The following FRMPD4 variants were observed in gnomAD, a reference collection of about 807,000 sequenced individuals.
The protein encoded by FRMPD4 is FERM and PDZ domain containing 4.
FRMPD4 carries 22 observed loss-of-function variants against 94.1 expected under a neutral mutation model. The observed-to-expected ratio is 0.23, with a 90% CI of 0.17 to 0.33. The LOEUF (loss-of-function observed/expected upper bound fraction) is 0.33. Among genes scored for constraint, FRMPD4 ranks in the 10% least tolerant of loss-of-function variants. FRMPD4 has a pLI of 1.00. For synonymous variants in FRMPD4, 631 were observed against 548.6 expected (o/e 1.15, Z -2.10); for missense variants, 1,111 against 1,339.9 (o/e 0.83, Z 2.67).
At chrX:12,443,084 G>T (rs1569278193) in intron 1 of FRMPD4, among the ~76,000 whole-genome samples, 1 of 111,155 alleles carries the variant, frequency 9.0e-6, no homozygotes, top group East Asian at 2.8e-4. Context: ...TGCAGGGAGG[G>T]GAGAATAGGG....
At chrX:11,837,686 A>C (rs1444242271) in intron 1 of FRMPD4, among the ~76,000 whole-genome samples, 1 of 111,457 alleles carries the variant, frequency 9.0e-6, no homozygotes, top group Non-Finnish European at 1.9e-5. Flanking sequence ...GTAACTTACA[A>C]TGAGAATGGA....
At chrX:12,304,791 T>C (rs62588581) in intron 1 of FRMPD4, among the ~76,000 whole-genome samples, 3,564 of 111,901 alleles carry the variant, frequency 0.032, 66 homozygotes, top group Middle Eastern at 0.06. Context: ...TGGTGCATGA[T>C]TTTGAATTTT....
At chrX:12,211,378 C>T (rs2056754123) in intron 1 of FRMPD4, among the ~76,000 whole-genome samples, 1 of 112,161 alleles carries the variant, frequency 8.9e-6, no homozygotes, top group Non-Finnish European at 1.9e-5. Flanking sequence ...GATCTGTTTA[C>T]TAGCCAATGA....
chrX:12,281,789 T>G (rs1441236532), intron 1 of FRMPD4, among the ~76,000 whole-genome samples: 1 of 112,123 alleles, frequency 8.9e-6, no homozygotes, highest in Non-Finnish European at 1.9e-5. Context: ...TCTTATTTAA[T>G]TATCATTCCT....
chrX:12,144,243 A>G (rs906346639), intron 1 of FRMPD4, among the ~76,000 whole-genome samples: 1 of 112,119 alleles, frequency 8.9e-6, no homozygotes, highest in Non-Finnish European at 1.9e-5. Flanking sequence ...AGTTGAGTTT[A>G]ATCTAACTTT....
chrX:12,367,235 C>T (rs900113302), intron 1 of FRMPD4, among the ~76,000 whole-genome samples: 4 of 111,730 alleles, frequency 3.6e-5, no homozygotes, highest in African/African-American at 1.3e-4. Context: ...CAAACTGCCC[C>T]TCCCCTGCCT....
chrX:12,451,602 G>GTATT (rs1450249762), intron 1 of FRMPD4, among the ~76,000 whole-genome samples: 1 of 111,670 alleles, frequency 9.0e-6, no homozygotes, highest in East Asian at 2.8e-4. Context: ...ATCTTTGCTT[G>GTATT]TATTTGTCTC....
Position 12,718,763 on chromosome X carries a change from C to A in FRMPD4, c.3937C>A (p.Arg1313=), listed in dbSNP as rs41303149. ...LFGTLRDGCH[R]LPKIKETTAL... is the part of the protein sequence containing the mutation. ...TGGCACATTGAGAGATGGATGCCAT[C>A]GGCTCCCCAAGATTAAGGAAACCAC... The change falls in exon 16 of 17, where the codon CGG becomes AGG. Residue 1313 remains arginine (R), a synonymous_variant. Coordinates refer to ENST00000675598, the MANE Select transcript of FRMPD4 (RefSeq NM_001368397.1). The A allele has an allele frequency of 1.9e-3, 2,288 of 1,198,771 alleles. 8 individuals are homozygous for A. Among genetic ancestry groups the A allele is most frequent in the Non-Finnish European group, 2.2e-3 (1,925 of 885,457 alleles).
Position 12,718,786 on chromosome X carries a change from C to A in FRMPD4, c.3960C>A (p.Thr1320=). Residue 1320 remains threonine, a synonymous_variant, in exon 16 of 17, where the codon ACC becomes ACA. Transcript: ENST00000675598. ...GCHRLPKIKE[T]TALTEPGKER... is the part of the protein sequence containing the mutation. ...ATCGGCTCCCCAAGATTAAGGAAAC[C>A]ACAGGTACAGCAATGATGGATTTAG... is the stretch of plus-strand genomic sequence containing the variant. 10 of 1,153,334 alleles carry A rather than the reference C, an allele frequency of 8.7e-6. No homozygotes were observed. The highest frequency in any genetic ancestry group is 1.2e-5 in the Non-Finnish European group (10 of 843,640).
intron 3 of FRMPD4, among the ~76,000 whole-genome samples, chrX:12,080,082 G>A (rs1477367556): frequency 8.9e-6 from 1 of 112,238 alleles, no homozygotes; most frequent in East Asian, 2.8e-4. Context: ...TTCTTTCTCT[G>A]AGTGCAGATA....
At chrX:12,666,121 G>T (rs1333975909) in intron 4 of FRMPD4, among the ~76,000 whole-genome samples, 2 of 109,691 alleles carry the variant, frequency 1.8e-5, no homozygotes, top group East Asian at 5.6e-4. Flanking sequence ...AAAAGCAGGG[G>T]TTGCAATTCT....
intron 1 of FRMPD4, among the ~76,000 whole-genome samples, chrX:12,315,125 C>A: frequency 8.9e-6 from 1 of 111,994 alleles, no homozygotes; most frequent in East Asian, 2.8e-4. Flanking sequence ...GGTAGTTTCT[C>A]TGATTATGGC....
chrX:12,698,498 C>G (rs763070199), intron 9 of FRMPD4, among the ~76,000 whole-genome samples: 1 of 110,982 alleles, frequency 9.0e-6, no homozygotes, highest in Admixed American at 9.6e-5. Context: ...ATTCTGGAAG[C>G]CTCAAGTGGA....
chrX:12,134,244 A>G (rs1278663774), upstream of FRMPD4, among the ~76,000 whole-genome samples: 1 of 112,053 alleles, frequency 8.9e-6, no homozygotes, highest in African/African-American at 3.2e-5. Flanking sequence ...GAAGAATTTT[A>G]ATTCTCTGCA....
chrX:11,841,573 C>T (rs1244590186), intron 1 of FRMPD4, among the ~76,000 whole-genome samples: 48 of 109,763 alleles, frequency 4.4e-4, no homozygotes, highest in Admixed American at 1.4e-3. Flanking sequence ...TCATATCCTT[C>T]GCCCACTTTT....
At chrX:12,493,129 A>G (rs1829683433) in intron 1 of FRMPD4, among the ~76,000 whole-genome samples, 1 of 111,209 alleles carries the variant, frequency 9.0e-6, no homozygotes, top group South Asian at 3.8e-4. Context: ...AGAACCATCT[A>G]TTATCATTCA....
intron 4 of FRMPD4, among the ~76,000 whole-genome samples, chrX:12,662,963 CT>C (rs199890711): frequency 0.015 from 1,700 of 112,644 alleles, 33 homozygotes; most frequent in African/African-American, 0.051. Flanking sequence ...TGATGATAAA[CT>C]TTTTTTCATA....
At chrX:12,009,638 C>T (rs766447202) in intron 3 of FRMPD4, among the ~76,000 whole-genome samples, 42 of 111,865 alleles carry the variant, frequency 3.8e-4, no homozygotes, top group African/African-American at 1.4e-3. Flanking sequence ...ACCATTGGGG[C>T]GTATTATTCT....
At chrX:11,840,603 G>A (rs1021412748) in intron 1 of FRMPD4, among the ~76,000 whole-genome samples, 1 of 109,799 alleles carries the variant, frequency 9.1e-6, no homozygotes, top group East Asian at 2.9e-4. Context: ...GAAATGGCAA[G>A]GATGTTCATC....
Sources: gnomAD v4.1 joint callset for allele counts (sites outside exome capture counted in the v4.1 genomes callset) on GRCh38, gnomAD v4.1.1 for gene constraint, MANE v1.5 for transcripts, NCBI Gene and HGNC (gene_info 2026-07-23, HGNC 2026-07-21) for gene names.